SAMD12: variants seen among roughly 807,000 people sequenced by gnomAD.
The protein encoded by SAMD12 is sterile alpha motif domain-containing protein 12.
SAMD12 carries 9 observed loss-of-function variants against 15.0 expected under a neutral mutation model. The ratio of observed to expected loss-of-function variants is 0.60; its 90% CI spans 0.36 to 1.05. The LOEUF is 1.05. SAMD12 is among the 50% of genes least tolerant of loss of function. The pLI is 0.01. For synonymous variants in SAMD12, 86 were observed against 90.1 expected (o/e 0.96, Z 0.25); for missense variants, 230 against 234.2 (o/e 0.98, Z 0.12).
chr8:118,214,582 G>C (rs1022072983), intron 4 of SAMD12, among the ~76,000 whole-genome samples: 3 of 152,202 alleles, frequency 2.0e-5, no homozygotes, highest in Admixed American at 6.5e-5. Context: ...GAAGCAGGAA[G>C]CATTTTCACA....
At chr8:118,283,198 T>C (rs1297964631) in intron 4 of SAMD12, among the ~76,000 whole-genome samples, 1 of 152,230 alleles carries the variant, frequency 6.6e-6, no homozygotes, top group Non-Finnish European at 1.5e-5. Flanking sequence ...GTTACATATG[T>C]ATACAAGGAA....
At chr8:118,245,579 T>C (rs1271256379) in intron 4 of SAMD12, among the ~76,000 whole-genome samples, 5 of 152,122 alleles carry the variant, frequency 3.3e-5, no homozygotes, top group African/African-American at 4.8e-5. Context: ...GAAGAAGTAG[T>C]GGTACCAGAA....
chr8:118,466,236 G>A (rs952161123), intron 2 of SAMD12, among the ~76,000 whole-genome samples: 10 of 152,180 alleles, frequency 6.6e-5, no homozygotes, highest in Admixed American at 6.5e-4. Flanking sequence ...CTTGAACCAG[G>A]CCAGTCAGCT....
chr8:118,542,111 T>G lies in SAMD12; in HGVS notation c.192+38604A>C, dbSNP rs575028242. Reference sequence around the variant, plus strand: ...CTTTGAAAAGGGCAGTCTATTTTACTGCATGCAAGAATGAAAAAACTATTA... The same window carrying G: ...CTTTGAAAAGGGCAGTCTATTTTACGGCATGCAAGAATGAAAAAACTATTA... On this transcript the variant is annotated intron_variant, in intron 2 of 3. Coordinates refer to ENST00000314727, the MANE Select transcript of SAMD12 (RefSeq NM_207506.3). Among the ~76,000 whole-genome samples the G allele has an allele frequency of 2.0e-5, 3 of 152,272 alleles. No individual in the cohort carries two copies. In the East Asian group the frequency reaches 5.8e-4, roughly 29 times the overall value.
At chr8:118,425,017 C>T (rs1029581582) in intron 3 of SAMD12, among the ~76,000 whole-genome samples, 1 of 151,066 alleles carries the variant, frequency 6.6e-6, no homozygotes, top group Non-Finnish European at 1.5e-5. Flanking sequence ...CGGCTCATTG[C>T]AAGCTCTGCC....
At chr8:118,240,915 A>G (rs995029336) in intron 4 of SAMD12, among the ~76,000 whole-genome samples, 5 of 152,102 alleles carry the variant, frequency 3.3e-5, no homozygotes, top group African/African-American at 1.2e-4. Context: ...GCATTTTGTA[A>G]TGTAATTAAG....
At chr8:118,376,939 C>T (rs1306199577), downstream of SAMD12, among the ~76,000 whole-genome samples, 1 of 148,616 alleles carries the variant, frequency 6.7e-6, no homozygotes, top group African/African-American at 2.5e-5. Context: ...TTATAGCAAA[C>T]CTAGACCCAA....
chr8:118,549,029 T>A (rs982064674), intron 2 of SAMD12, among the ~76,000 whole-genome samples: 5 of 152,218 alleles, frequency 3.3e-5, no homozygotes, highest in African/African-American at 1.2e-4. Context: ...GCCAGGAAGC[T>A]GGAACTGGGT....
intron 4 of SAMD12, among the ~76,000 whole-genome samples, chr8:118,318,568 TA>T (rs1250645209): frequency 9.9e-5 from 15 of 151,536 alleles, no homozygotes; most frequent in African/African-American, 3.6e-4. Flanking sequence ...AGACTCAGGA[TA>T]GTGGGAGGTG....
At chr8:118,418,584 T>C (rs1821834443) in intron 3 of SAMD12, among the ~76,000 whole-genome samples, 1 of 151,992 alleles carries the variant, frequency 6.6e-6, no homozygotes, top group Admixed American at 6.5e-5. Flanking sequence ...CAGAGCGTGG[T>C]GGCGGGCGCC....
the SAMD12 span, among the ~76,000 whole-genome samples, chr8:118,180,361 T>C: frequency 4.3e-4 from 65 of 152,336 alleles, no homozygotes; most frequent in Non-Finnish European, 7.1e-4. Context: ...TAGAAATTTA[T>C]GTGCCAAAAA....
At chr8:118,461,562 T>C (rs1014262419) in intron 2 of SAMD12, among the ~76,000 whole-genome samples, 5 of 152,164 alleles carry the variant, frequency 3.3e-5, no homozygotes, top group Non-Finnish European at 7.3e-5. Flanking sequence ...TTCTTTCCTT[T>C]GTATTTTACG....
Position 118,364,648 on chromosome 8 carries a change from G to T in SAMD12, c.433+14912C>A, listed in dbSNP as rs114255076. On this transcript the variant is annotated intron_variant, in intron 4 of 4. Transcript: ENST00000409003. ...AAGCTGTGAAAAATACCAGTGCCTG[G>T]GCCTGAGGGTCTAATTTGTCAGGTT... Among the ~76,000 whole-genome samples the T allele has an allele frequency of 2.1e-3, 316 of 152,216 alleles. 2 individuals are homozygous for T. Among genetic ancestry groups the T allele is most frequent in the African/African-American group, 7.2e-3 (297 of 41,536 alleles).
intron 2 of SAMD12, among the ~76,000 whole-genome samples, chr8:118,556,721 T>C (rs1337716278): frequency 3.3e-5 from 5 of 152,030 alleles, no homozygotes; most frequent in African/African-American, 4.8e-5. Flanking sequence ...TCCCAGTACT[T>C]TGGGAGGCCG....
At chr8:118,292,349 G>GACACACATACACACACACAC (rs111807707) in intron 4 of SAMD12, among the ~76,000 whole-genome samples, 35 of 137,720 alleles carry the variant, frequency 2.5e-4, no homozygotes, top group African/African-American at 8.8e-4. Context: ...CAAACACACA[G>GACACACATACACACACACAC]ACACACACAC....
At chr8:118,472,630 G>C (rs4324945) in intron 2 of SAMD12, among the ~76,000 whole-genome samples, 1 of 151,810 alleles carries the variant, frequency 6.6e-6, no homozygotes, top group Non-Finnish European at 1.5e-5. Flanking sequence ...AGTGATGATC[G>C]CACCACTGCA....
At chr8:118,303,897 G>A (rs1266424918) in intron 4 of SAMD12, among the ~76,000 whole-genome samples, 2 of 152,152 alleles carry the variant, frequency 1.3e-5, no homozygotes, top group African/African-American at 4.8e-5. Flanking sequence ...AGCAGGCAAT[G>A]ACCTTCTGCA....
chr8:118,388,616 A>G (rs1388081239), intron 3 of SAMD12, among the ~76,000 whole-genome samples: 1 of 152,182 alleles, frequency 6.6e-6, no homozygotes, highest in Non-Finnish European at 1.5e-5. Flanking sequence ...CAAGCACCTC[A>G]CTAGAGCCTT....
intron 2 of SAMD12, among the ~76,000 whole-genome samples, chr8:118,541,185 G>A (rs1367787427): frequency 1.3e-5 from 2 of 152,148 alleles, no homozygotes; most frequent in East Asian, 1.9e-4. Flanking sequence ...GATAGCTAGT[G>A]AGCCCACTTT....
Sources: gnomAD v4.1 joint callset for allele counts (sites outside exome capture counted in the v4.1 genomes callset) on GRCh38, gnomAD v4.1.1 for gene constraint, MANE v1.5 for transcripts, NCBI Gene and HGNC (gene_info 2026-07-23, HGNC 2026-07-21) for gene names.